Variants in TENM3 observed in about 807,000 individuals in gnomAD.
TENM3 encodes the protein teneurin transmembrane protein 3.
Under a neutral mutation model 255.1 loss-of-function variants are expected in TENM3, and 63 were observed. The observed-to-expected ratio is 0.25, with a 90% CI of 0.20 to 0.30. The LOEUF (loss-of-function observed/expected upper bound fraction) is 0.30, where lower values mean the gene tolerates loss of function less well. TENM3 is among the 10% of genes least tolerant of loss of function. The pLI is 1.00. For synonymous variants in TENM3, 1,306 were observed against 1,322.3 expected (o/e 0.99, Z 0.27); for missense variants, 2,929 against 3,461.1 (o/e 0.85, Z 3.86).
the TENM3 span, among the ~76,000 whole-genome samples, chr4:182,072,439 C>T: frequency 2.6e-5 from 4 of 152,146 alleles, no homozygotes; most frequent in Non-Finnish European, 5.9e-5. Context: ...CTTCCAGCCT[C>T]CAAAGGGTAG....
chr4:182,784,598 G>T (rs1041427386), intron 24 of TENM3, among the ~76,000 whole-genome samples: 55 of 152,024 alleles, frequency 3.6e-4, no homozygotes, highest in South Asian at 1.0e-3. Flanking sequence ...CGAGCTCCCC[G>T]GCTGCTTTGT....
At chr4:182,566,683 G>C (rs1176706310) in intron 3 of TENM3, among the ~76,000 whole-genome samples, 1 of 152,118 alleles carries the variant, frequency 6.6e-6, no homozygotes, top group East Asian at 1.9e-4. Context: ...TTATATTGAG[G>C]CCACCAATGG....
chr4:181,871,409 T>C, the TENM3 span, among the ~76,000 whole-genome samples: 4 of 152,052 alleles, frequency 2.6e-5, no homozygotes, highest in Non-Finnish European at 5.9e-5. Context: ...TATTTAGATC[T>C]TTTATAATAT....
chr4:182,015,550 T>TTTTATTTA, the TENM3 span, among the ~76,000 whole-genome samples: 30,595 of 150,006 alleles, frequency 0.2, 3,349 homozygotes, highest in Middle Eastern at 0.24. Flanking sequence ...TGATTTTAAT[T>TTTTATTTA]TTTATTTATT....
At chr4:182,541,204 T>TG (rs1385091310) in intron 3 of TENM3, among the ~76,000 whole-genome samples, 1 of 152,178 alleles carries the variant, frequency 6.6e-6, no homozygotes, top group Non-Finnish European at 1.5e-5. Flanking sequence ...ATGGTGTTTT[T>TG]GAAAAACTGA....
the TENM3 span, among the ~76,000 whole-genome samples, chr4:181,988,974 G>A: frequency 6.6e-6 from 1 of 151,978 alleles, no homozygotes; most frequent in Admixed American, 6.6e-5. Flanking sequence ...TAGCAGTTAA[G>A]ACATCTTTGC....
At chr4:182,330,110 C>G (rs983582992) in intron 2 of TENM3, among the ~76,000 whole-genome samples, 1 of 151,848 alleles carries the variant, frequency 6.6e-6, no homozygotes, top group African/African-American at 2.4e-5. Flanking sequence ...AGAGAAGATA[C>G]TGTAGGAGAG....
intron 1 of TENM3, among the ~76,000 whole-genome samples, chr4:182,209,960 A>C (rs543012667): frequency 6.6e-6 from 1 of 152,170 alleles, no homozygotes; most frequent in African/African-American, 2.4e-5. Context: ...GCTGTGTCAT[A>C]GAGTGTGAGG....
At chr4:182,272,424 A>C (rs1015030674) in intron 1 of TENM3, among the ~76,000 whole-genome samples, 1 of 152,218 alleles carries the variant, frequency 6.6e-6, no homozygotes, top group Non-Finnish European at 1.5e-5. Context: ...CCAGATAAAG[A>C]AACAAATGAA....
intron 3 of TENM3, among the ~76,000 whole-genome samples, chr4:182,374,896 A>G (rs964703279): frequency 6.6e-6 from 1 of 152,100 alleles, no homozygotes; most frequent in South Asian, 2.1e-4. Context: ...ACACCAAATA[A>G]TCTTATTTTT....
chr4:182,169,241 T>A, intron 1 of TENM3: 1 of 472,870 alleles, frequency 2.1e-6, no homozygotes, highest in South Asian at 1.5e-5. Flanking sequence ...AGGTTGGTTC[T>A]GTTCCTTTAG....
chr4:181,582,766 G>T, the TENM3 span, among the ~76,000 whole-genome samples: 1 of 151,806 alleles, frequency 6.6e-6, no homozygotes, highest in African/African-American at 2.4e-5. Flanking sequence ...TCATGGAGCC[G>T]CCAGGCTGCA....
the TENM3 span, among the ~76,000 whole-genome samples, chr4:181,720,831 T>TAA: frequency 6.6e-6 from 1 of 152,146 alleles, no homozygotes; most frequent in African/African-American, 2.4e-5. Context: ...ACCATAAAGG[T>TAA]AAGTTTTCTT....
intron 6 of TENM3, among the ~76,000 whole-genome samples, chr4:182,669,300 C>A (rs1754997360): frequency 6.6e-6 from 1 of 151,424 alleles, no homozygotes; most frequent in Non-Finnish European, 1.5e-5. Flanking sequence ...GATGGAGTCT[C>A]ACTCTGTTGC....
chr4:182,432,715 G>C (rs1771748479), intron 3 of TENM3, among the ~76,000 whole-genome samples: 1 of 152,194 alleles, frequency 6.6e-6, no homozygotes, highest in Non-Finnish European at 1.5e-5. Flanking sequence ...AGAAACCACG[G>C]CTGAAGCCAA....
At chr4:181,539,496 G>C in the TENM3 span, among the ~76,000 whole-genome samples, 1 of 152,148 alleles carries the variant, frequency 6.6e-6, no homozygotes, top group Non-Finnish European at 1.5e-5. Flanking sequence ...ATAATGAGAT[G>C]AGTGTTTTCC....
the TENM3 span, among the ~76,000 whole-genome samples, chr4:181,995,449 G>C: frequency 1.3e-5 from 2 of 152,130 alleles, no homozygotes; most frequent in African/African-American, 4.8e-5. Context: ...TGTGAAAGCA[G>C]CTTATTCACA....
At chr4:181,593,047 G>T in the TENM3 span, among the ~76,000 whole-genome samples, 1 of 152,154 alleles carries the variant, frequency 6.6e-6, no homozygotes, top group African/African-American at 2.4e-5. Context: ...GCCTTCCTTT[G>T]TAGGTACAGG....
the TENM3 span, among the ~76,000 whole-genome samples, chr4:182,119,649 G>A: frequency 1.3e-5 from 2 of 152,038 alleles, no homozygotes; most frequent in Non-Finnish European, 1.5e-5. Flanking sequence ...TTGTTCTTAG[G>A]ACAGAGTGGA....
Sources: allele counts gnomAD v4.1 joint callset (sites outside exome capture counted in the v4.1 genomes callset), GRCh38; gene constraint gnomAD v4.1.1; transcripts MANE v1.5; gene names NCBI Gene and HGNC (gene_info 2026-07-23, HGNC 2026-07-21).